The following ADAMTS12 variants were observed in gnomAD, a reference collection of about 807,000 sequenced individuals.
ADAMTS12 encodes A disintegrin and metalloproteinase with thrombospondin motifs 12.
ADAMTS12 carries 118 observed loss-of-function variants against 167.8 expected under a neutral mutation model. The ratio of observed to expected loss-of-function variants is 0.70; its 90% CI spans 0.61 to 0.82. The LOEUF is 0.82. ADAMTS12 is among the 40% of genes least tolerant of loss of function. The pLI is 0.00. For synonymous variants in ADAMTS12, 704 were observed against 716.9 expected, an observed-to-expected ratio of 0.98 and a Z score of 0.29; for missense variants, 1,916 against 1,998.8, an observed-to-expected ratio of 0.96 and a Z score of 0.79.
intron 2 of ADAMTS12, among the ~76,000 whole-genome samples, chr5:33,869,789 G>A (rs1749966882): frequency 6.6e-6 from 1 of 152,152 alleles, no homozygotes; most frequent in African/African-American, 2.4e-5. Context: ...ATAAACATCA[G>A]GAAACAGGGT....
Position 33,535,004 on chromosome 5 carries a change from G to C in ADAMTS12, c.4447-12C>G. Reference sequence around the variant, plus strand: ...CAGGAAGTGGAACACTGAAAGAGAAGGTGAACAGAGAGTCAGAAGTCCTCC... The same window carrying C: ...CAGGAAGTGGAACACTGAAAGAGAACGTGAACAGAGAGTCAGAAGTCCTCC... On this transcript the variant is annotated splice_polypyrimidine_tract_variant and intron_variant, in intron 22 of 23. Coordinates refer to ENST00000504830, the MANE Select transcript of ADAMTS12 (RefSeq NM_030955.4). 1 of 1,589,206 alleles carries C rather than the reference G, an allele frequency of 6.3e-7. No individual in the cohort carries two copies. Among genetic ancestry groups the C allele is most frequent in the Non-Finnish European group, 8.5e-7 (1 of 1,170,764 alleles).
At chr5:33,830,210 A>G (rs996055973) in intron 2 of ADAMTS12, among the ~76,000 whole-genome samples, 4 of 152,216 alleles carry the variant, frequency 2.6e-5, no homozygotes, top group Non-Finnish European at 4.4e-5. Flanking sequence ...AAATGGTCCA[A>G]TAAGGGCTCT....
Position 33,736,165 on chromosome 5 carries a change from C to G in ADAMTS12, c.634+15239G>C, listed in dbSNP as rs368059275. Among the ~76,000 whole-genome samples, 16 of 151,756 alleles carry G rather than the reference C, an allele frequency of 1.1e-4. 1 individual carries two copies. The East Asian group carries it at 1.6e-3, about 15-fold the overall frequency. On this transcript the variant is annotated intron_variant, in intron 3 of 23. Transcript: ENST00000504830. Reference sequence around the variant, plus strand: ...GCAAACTCTGCCTCCCGGGTTCAAGCAATTCTCCTGCCTCAGCCTCCCAAG... The same window carrying G: ...GCAAACTCTGCCTCCCGGGTTCAAGGAATTCTCCTGCCTCAGCCTCCCAAG...
intron 5 of ADAMTS12, among the ~76,000 whole-genome samples, chr5:33,670,157 T>TTA (rs1741620177): frequency 1.3e-5 from 2 of 150,362 alleles, no homozygotes; most frequent in Non-Finnish European, 3.0e-5. Context: ...CACTCAACAA[T>TTA]AAAAAAAAAT....
intron 2 of ADAMTS12, among the ~76,000 whole-genome samples, chr5:33,871,299 C>G (rs1750029915): frequency 6.6e-6 from 1 of 152,056 alleles, no homozygotes; most frequent in African/African-American, 2.4e-5. Context: ...AAATTCGATG[C>G]AATCTCTTCC....
chr5:33,760,387 G>T (rs1745306580), intron 2 of ADAMTS12, among the ~76,000 whole-genome samples: 1 of 150,546 alleles, frequency 6.6e-6, no homozygotes, highest in Non-Finnish European at 1.5e-5. Flanking sequence ...AAAAAAAAAA[G>T]ATTTGAAAAA....
intron 3 of ADAMTS12, among the ~76,000 whole-genome samples, chr5:33,691,090 T>TA (rs1466133710): frequency 1.1e-4 from 17 of 152,318 alleles, no homozygotes; most frequent in African/African-American, 3.6e-4. Context: ...AAACATTTCT[T>TA]ACAGTTTCTT....
intron 2 of ADAMTS12, among the ~76,000 whole-genome samples, chr5:33,792,381 CACGTAACTGG>C (rs1746610349): frequency 6.6e-6 from 1 of 152,222 alleles, no homozygotes; most frequent in African/African-American, 2.4e-5. Flanking sequence ...ATGTGCATGT[CACGTAACTGG>C]CTCCCCTACT....
intron 19 of ADAMTS12, among the ~76,000 whole-genome samples, chr5:33,570,872 C>T (rs1445820959): frequency 5.3e-5 from 8 of 150,286 alleles, no homozygotes; most frequent in African/African-American, 2.0e-4. Flanking sequence ...CAGAGACACA[C>T]ATAGGCTCAA....
Position 33,825,573 on chromosome 5 carries a change from C to T in ADAMTS12, c.489+55546G>A, listed in dbSNP as rs183494203. Among the ~76,000 whole-genome samples, 11 of 152,278 alleles carry T rather than the reference C, an allele frequency of 7.2e-5. No individual in the cohort carries two copies. The East Asian group carries it at 2.1e-3, about 29-fold the overall frequency. On this transcript the variant is annotated intron_variant, in intron 2 of 23. Transcript: ENST00000504830. ...CCAAAAGGAACTAAAGGGCAAAAAG[C>T]ATATGAGTCTCTTAACTAATTGCAT...
chr5:33,589,727 G>A (rs992328921), intron 17 of ADAMTS12, among the ~76,000 whole-genome samples: 1 of 152,126 alleles, frequency 6.6e-6, no homozygotes, highest in Non-Finnish European at 1.5e-5. Flanking sequence ...AACAAGTGGG[G>A]CACTTCTATT....
In ADAMTS12 at chr5:33,661,942, A is replaced by G. The variant is rs377143805; in HGVS notation, c.1014T>C (p.His338=). The change falls in exon 6 of 24, where the codon CAT becomes CAC. Residue 338 remains histidine (H), a synonymous_variant. Transcript: ENST00000504830. ...TGGTGAGAAGGACAGCCACGTCGTG[A>G]TGAACAGGATTGAGGTCACTCTTGG... ...INPKSDLNPV[H]HDVAVLLTRK... is the part of the protein sequence containing the mutation. 57 of 1,613,336 alleles carry G rather than the reference A, an allele frequency of 3.5e-5. No homozygotes were observed. Among genetic ancestry groups the G allele is most frequent in the Non-Finnish European group, 4.7e-5 (55 of 1,179,594 alleles).
intron 2 of ADAMTS12, among the ~76,000 whole-genome samples, chr5:33,822,584 C>A (rs1747906925): frequency 6.6e-6 from 1 of 152,040 alleles, no homozygotes; most frequent in African/African-American, 2.4e-5. Context: ...TGGTGGGTTG[C>A]AGCAAAATTT....
chr5:33,867,682 T>C (rs1749877154), intron 2 of ADAMTS12, among the ~76,000 whole-genome samples: 1 of 152,160 alleles, frequency 6.6e-6, no homozygotes, highest in Non-Finnish European at 1.5e-5. Context: ...ACAAAAATTA[T>C]GCAATGTTGG....
chr5:33,692,327 A>C (rs777729662), intron 3 of ADAMTS12, among the ~76,000 whole-genome samples: 5 of 152,336 alleles, frequency 3.3e-5, no homozygotes, highest in Non-Finnish European at 7.3e-5. Flanking sequence ...CAGATGTTGA[A>C]GAAGATGGAA....
intron 2 of ADAMTS12, among the ~76,000 whole-genome samples, chr5:33,874,554 T>C (rs1343637344): frequency 2.0e-5 from 3 of 152,208 alleles, no homozygotes; most frequent in Non-Finnish European, 4.4e-5. Context: ...ACTCGTACCA[T>C]ATAATCCAGC....
At chr5:33,596,202 G>A in intron 16 of ADAMTS12, 142 bp from the exon 17 acceptor site, 1 of 1,059,432 alleles carries the variant, frequency 9.4e-7, no homozygotes, top group Non-Finnish European at 1.4e-6. Context: ...TTAAAGGAGG[G>A]ATGAAGAATA....
At chr5:33,726,630 C>T (rs759751870) in intron 3 of ADAMTS12, among the ~76,000 whole-genome samples, 3 of 150,878 alleles carry the variant, frequency 2.0e-5, no homozygotes, top group Non-Finnish European at 4.4e-5. Flanking sequence ...ACGGTTTGAA[C>T]AGTTGGCCAT....
At chr5:33,860,487 A>G (rs1460017322) in intron 2 of ADAMTS12, among the ~76,000 whole-genome samples, 1 of 152,188 alleles carries the variant, frequency 6.6e-6, no homozygotes, top group African/African-American at 2.4e-5. Flanking sequence ...AAGAATGAAC[A>G]AAGCCTCCAA....
Sources: allele counts gnomAD v4.1 joint callset (sites outside exome capture counted in the v4.1 genomes callset), GRCh38; gene constraint gnomAD v4.1.1; transcripts MANE v1.5; gene names NCBI Gene and HGNC (gene_info 2026-07-23, HGNC 2026-07-21).